The following CHAT variants were observed in gnomAD, a reference collection of about 807,000 sequenced individuals.
CHAT encodes acetyl CoA:choline O-acetyltransferase.
Under a neutral mutation model 76.9 loss-of-function variants are expected in CHAT, and 61 were observed. The observed-to-expected ratio is 0.79, with a 90% CI of 0.65 to 0.98. The LOEUF (loss-of-function observed/expected upper bound fraction) is 0.98. CHAT is among the 50% of genes least tolerant of loss of function. The pLI, the probability that CHAT is intolerant of heterozygous loss-of-function variation, is 0.00. For missense variants in CHAT, 946 were observed against 986.9 expected (o/e 0.96, Z 0.56); for synonymous variants, 407 against 397.4 (o/e 1.02, Z -0.29).
intron 11 of CHAT, 102 bp downstream of exon 11, chr10:49,652,108 TG>T: frequency 6.6e-7 from 1 of 1,516,964 alleles, no homozygotes; most frequent in Non-Finnish European, 9.1e-7. Context: ...CAGCCTTCTG[TG>T]GGCCTGGAAG....
rs776458664 is a variant in CHAT at position 49,646,681 on chromosome 10, C to T, written c.1281+7C>T. The T allele has an allele frequency of 6.8e-6, 11 of 1,612,820 alleles. No individual in the cohort carries two copies. The highest frequency in any genetic ancestry group is 2.7e-5 in the African/African-American group (2 of 74,918). On this transcript the variant is annotated splice_region_variant and intron_variant, in intron 8 of 14. Transcript: ENST00000337653. ...GTACGACAAGTCCCTGCAGGTAAGC[C>T]GTCCAGGTGGCCCTGCAAGAGCACA...
At chr10:49,661,952 T>G (rs1840207380) in intron 13 of CHAT, among the ~76,000 whole-genome samples, 1 of 152,234 alleles carries the variant, frequency 6.6e-6, no homozygotes, top group African/African-American at 2.4e-5. Context: ...GAAAAAGAAC[T>G]TTTATTATTC....
At chr10:49,638,809 AAC>A (rs1839379115) in intron 7 of CHAT, among the ~76,000 whole-genome samples, 1 of 152,234 alleles carries the variant, frequency 6.6e-6, no homozygotes, top group Non-Finnish European at 1.5e-5. Flanking sequence ...TCAACATTGA[AAC>A]ACAGTTTAGA....
At chr10:49,611,118 G>A (rs775977760), upstream of CHAT, 21 of 1,614,154 alleles carry the variant, frequency 1.3e-5, no homozygotes, top group Non-Finnish European at 1.8e-5. Flanking sequence ...AGATCGGGGT[G>A]CTGTTTGCTT....
intron 13 of CHAT, among the ~76,000 whole-genome samples, chr10:49,656,957 C>G (rs143467862): frequency 4.5e-4 from 68 of 152,124 alleles, no homozygotes; most frequent in African/African-American, 1.6e-3. Flanking sequence ...CTCTCTGAAA[C>G]CCTCCAAAAA....
upstream of CHAT, among the ~76,000 whole-genome samples, chr10:49,609,602 G>A (rs527514654): frequency 6.6e-6 from 1 of 152,276 alleles, no homozygotes; most frequent in Non-Finnish European, 1.5e-5. Flanking sequence ...CCCGACTGGG[G>A]CGCGGCAACT....
At chr10:49,646,809 C>A in intron 8 of CHAT, 135 bp downstream of exon 8, 1 of 1,017,814 alleles carries the variant, frequency 9.8e-7, no homozygotes, top group Non-Finnish European at 1.5e-6. Flanking sequence ...TTTCTGCTGC[C>A]TAAGAGGCTG....
At chr10:49,644,481 G>C (rs7903612) in intron 7 of CHAT, among the ~76,000 whole-genome samples, 39,468 of 152,126 alleles carry the variant, frequency 0.26, 6,491 homozygotes, top group Non-Finnish European at 0.36. Context: ...GATCCTCAGG[G>C]CATGGCCGGA....
chr10:49,653,690 C>A (rs2132825728), intron 11 of CHAT, among the ~76,000 whole-genome samples: 1 of 152,344 alleles, frequency 6.6e-6, no homozygotes, highest in South Asian at 2.1e-4. Context: ...CTCACCAGTA[C>A]TGAGATGCTG....
At chr10:49,624,386 G>T (rs146417148) in intron 5 of CHAT, among the ~76,000 whole-genome samples, 1 of 152,200 alleles carries the variant, frequency 6.6e-6, no homozygotes, top group Admixed American at 6.5e-5. Flanking sequence ...GTCAGTCACA[G>T]CAGTTCAGTG....
intron 4 of CHAT, 117 bp from the exon 5 acceptor site, chr10:49,621,980 A>G: frequency 9.1e-7 from 1 of 1,099,210 alleles, no homozygotes; most frequent in Non-Finnish European, 1.4e-6. Flanking sequence ...GGGAGAAGGG[A>G]GGGAAGAGGA....
At chr10:49,611,363 C>G (rs374160245), upstream of CHAT, 204 of 1,600,322 alleles carry the variant, frequency 1.3e-4, 5 homozygotes, top group South Asian at 2.2e-3. Context: ...CCGGAGGAGC[C>G]GGAGCGCAGT....
chr10:49,645,275 A>G (rs1451087682), intron 7 of CHAT, among the ~76,000 whole-genome samples: 3 of 151,738 alleles, frequency 2.0e-5, no homozygotes. Context: ...CACACAGAGC[A>G]CTCTCACCCC....
rs2132858259 is a variant in CHAT, at chr10:49,664,762, T to C, written c.1978-15T>C. ...ATTCCAGAACAAGCAGCTCCTGACCTGTCCTCTCCTCCAGGTGCCCACAAC... is the reference window on the plus strand; with the variant it reads ...ATTCCAGAACAAGCAGCTCCTGACCCGTCCTCTCCTCCAGGTGCCCACAAC... On this transcript the variant is annotated splice_polypyrimidine_tract_variant and intron_variant, in intron 14 of 14. Transcript: ENST00000337653. 2 of 1,614,232 alleles carry C rather than the reference T, an allele frequency of 1.2e-6. No homozygotes were observed. The highest frequency in any genetic ancestry group is 1.7e-6 in the Non-Finnish European group (2 of 1,180,036).
chr10:49,655,359 C>A, intron 12 of CHAT, 27 bp from the exon 13 acceptor site: 1 of 1,613,878 alleles, frequency 6.2e-7, no homozygotes, highest in Non-Finnish European at 8.5e-7. Context: ...TTTTAAACCC[C>A]GCGCTGCCTC....
At chr10:49,627,546 A>G in intron 6 of CHAT, 62 bp from the exon 7 acceptor site, 1 of 1,539,816 alleles carries the variant, frequency 6.5e-7, no homozygotes, top group Non-Finnish European at 9.0e-7. Flanking sequence ...GTGAAGGCTG[A>G]GTGAAGGCCT....
At chr10:49,637,254 T>C (rs1454088554) in intron 7 of CHAT, 2 of 152,240 alleles carry the variant, frequency 1.3e-5, no homozygotes, top group African/African-American at 2.4e-5. Flanking sequence ...TGTAAGCATT[T>C]AATGCTATAA....
intron 7 of CHAT, among the ~76,000 whole-genome samples, chr10:49,638,314 C>T (rs1839362013): frequency 6.6e-6 from 1 of 152,142 alleles, no homozygotes; most frequent in South Asian, 2.1e-4. Context: ...TTACTTATAA[C>T]CAAACTATAT....
intron 13 of CHAT, among the ~76,000 whole-genome samples, chr10:49,656,038 C>T (rs188784974): frequency 1.7e-3 from 253 of 152,268 alleles, no homozygotes; most frequent in South Asian, 3.7e-3. Flanking sequence ...GTGACTTGGG[C>T]GGCTCATCAA....
Sources: allele counts gnomAD v4.1 joint callset (sites outside exome capture counted in the v4.1 genomes callset), GRCh38; gene constraint gnomAD v4.1.1; transcripts MANE v1.5; gene names NCBI Gene and HGNC (gene_info 2026-07-23, HGNC 2026-07-21).